Variants in PITPNC1 observed in about 807,000 individuals in gnomAD.
The protein encoded by PITPNC1 is phosphatidylinositol transfer protein cytoplasmic 1, also known as cytoplasmic phosphatidylinositol transfer protein 1.
PITPNC1 carries 18 observed loss-of-function variants against 44.7 expected under a neutral mutation model. The observed-to-expected ratio is 0.40, with a 90% CI of 0.28 to 0.60. PITPNC1 has a LOEUF of 0.60. Among genes scored for constraint, PITPNC1 ranks in the 20% least tolerant of loss-of-function variants. The pLI is 0.39. For missense variants in PITPNC1, 290 were observed against 418.4 expected, an observed-to-expected ratio of 0.69 and a Z score of 2.68; for synonymous variants, 141 against 149.6, an observed-to-expected ratio of 0.94 and a Z score of 0.42.
chr17:67,473,112 G>C (rs944082413), intron 1 of PITPNC1, among the ~76,000 whole-genome samples: 11 of 152,054 alleles, frequency 7.2e-5, no homozygotes, highest in African/African-American at 2.7e-4. Flanking sequence ...TCCTGACCTC[G>C]TGATCCACCC....
Position 67,378,815 on chromosome 17 carries a change from A to G in PITPNC1, c.48+613A>G, listed in dbSNP as rs2037911886. ...CTTTCGCAAACCGCCTGGCTCGGAA[A>G]CTTTCTGCGTCTCTTGTTTCTTCCG... On this transcript the variant is annotated intron_variant, in intron 1 of 8. Transcript: ENST00000581322. Among the ~76,000 whole-genome samples the G allele has an allele frequency of 2.0e-5, 3 of 152,058 alleles. 1 individual carries two copies. In the South Asian group the frequency reaches 6.2e-4, roughly 31 times the overall value.
At chr17:67,531,726 C>G (rs2040464207) in intron 1 of PITPNC1, among the ~76,000 whole-genome samples, 1 of 152,168 alleles carries the variant, frequency 6.6e-6, no homozygotes, top group African/African-American at 2.4e-5. Flanking sequence ...ACCCCGAGTC[C>G]TCATTAGTTT....
At chr17:67,447,171 C>T (rs572180359) in intron 1 of PITPNC1, among the ~76,000 whole-genome samples, 22 of 148,134 alleles carry the variant, frequency 1.5e-4, no homozygotes, top group African/African-American at 5.2e-4. Flanking sequence ...GCTAAGGAAT[C>T]GGAGAGTGGC....
chr17:67,480,123 G>T (rs1186200619), intron 1 of PITPNC1, among the ~76,000 whole-genome samples: 2 of 152,286 alleles, frequency 1.3e-5, no homozygotes, highest in African/African-American at 2.4e-5. Context: ...AGGAGCGGGG[G>T]TCTGCCTGAT....
rs77772356 is a variant in PITPNC1 at position 67,505,883 on chromosome 17, T to G, written c.49-26919T>G. Among the ~76,000 whole-genome samples the G allele has an allele frequency of 4.2e-3, 633 of 152,332 alleles. 25 individuals are homozygous for G. The East Asian group carries it at 0.084, about 20-fold the overall frequency. On this transcript the variant is annotated intron_variant, in intron 1 of 8. Transcript: ENST00000581322. Reference sequence around the variant, plus strand: ...TATGTAAAATTTTGGAGTAACTCTCTTTTCCCTCGCAATTCTTTTGATGGT... The same window carrying G: ...TATGTAAAATTTTGGAGTAACTCTCGTTTCCCTCGCAATTCTTTTGATGGT...
chr17:67,675,636 C>G, intron 8 of PITPNC1, 94 bp downstream of exon 8: 1 of 816,868 alleles, frequency 1.2e-6, no homozygotes, highest in Non-Finnish European at 2.2e-6. Flanking sequence ...AGAAGGACAA[C>G]AACAAAGGCA....
chr17:67,589,529 T>G (rs182481217), intron 5 of PITPNC1, among the ~76,000 whole-genome samples: 336 of 151,114 alleles, frequency 2.2e-3, no homozygotes, highest in African/African-American at 7.9e-3. Flanking sequence ...GAAACTGGAG[T>G]TTGGAGCTAG....
At chr17:67,649,106 A>G (rs535762745) in intron 6 of PITPNC1, among the ~76,000 whole-genome samples, 3 of 152,312 alleles carry the variant, frequency 2.0e-5, no homozygotes, top group African/African-American at 4.8e-5. Flanking sequence ...GTGAGCCATG[A>G]TTGCACCACT....
At chr17:67,481,187 G>T (rs893939818) in intron 1 of PITPNC1, among the ~76,000 whole-genome samples, 2 of 152,222 alleles carry the variant, frequency 1.3e-5, no homozygotes, top group African/African-American at 4.8e-5. Flanking sequence ...CAGCCTAGGC[G>T]ACAGAGCGAG....
At chr17:67,507,104 T>C (rs1209936201) in intron 1 of PITPNC1, among the ~76,000 whole-genome samples, 1 of 152,222 alleles carries the variant, frequency 6.6e-6, no homozygotes, top group African/African-American at 2.4e-5. Context: ...CGAGTCACTG[T>C]GACCTCTTAG....
chr17:67,545,677 A>C (rs1164911671), intron 2 of PITPNC1, among the ~76,000 whole-genome samples: 1 of 152,198 alleles, frequency 6.6e-6, no homozygotes, highest in African/African-American at 2.4e-5. Context: ...TGTTTGAAAG[A>C]TGGCTCCTTA....
At chr17:67,462,515 AGC>A (rs759919777) in intron 1 of PITPNC1, among the ~76,000 whole-genome samples, 23,860 of 151,610 alleles carry the variant, frequency 0.16, 1,918 homozygotes, top group East Asian at 0.27. Context: ...TACAGGCGTG[AGC>A]CACCGTGCCT....
At chr17:67,560,905 A>G (rs1284410074) in intron 4 of PITPNC1, among the ~76,000 whole-genome samples, 1 of 152,188 alleles carries the variant, frequency 6.6e-6, no homozygotes, top group Non-Finnish European at 1.5e-5. Flanking sequence ...CAGAGAATAC[A>G]GAGTTGTTTA....
chr17:67,474,764 C>G (rs1254294508), intron 1 of PITPNC1, among the ~76,000 whole-genome samples: 3 of 152,138 alleles, frequency 2.0e-5, no homozygotes, highest in African/African-American at 4.8e-5. Context: ...AAACAATCCT[C>G]CCACCTCAGC....
At chr17:67,563,883 A>G (rs1165474345) in intron 4 of PITPNC1, among the ~76,000 whole-genome samples, 1 of 152,092 alleles carries the variant, frequency 6.6e-6, no homozygotes, top group African/African-American at 2.4e-5. Context: ...GGAGAGAGAG[A>G]AATGGGTGGA....
chr17:67,529,603 T>C (rs903673889), intron 1 of PITPNC1, among the ~76,000 whole-genome samples: 1 of 152,028 alleles, frequency 6.6e-6, no homozygotes, highest in Non-Finnish European at 1.5e-5. Context: ...GTTGCATGAG[T>C]TGACTAGGGC....
chr17:67,573,079 C>T (rs764611429), intron 4 of PITPNC1, among the ~76,000 whole-genome samples: 2 of 152,132 alleles, frequency 1.3e-5, no homozygotes, highest in Non-Finnish European at 2.9e-5. Flanking sequence ...TTTTAAGCCA[C>T]GCAGTTTGTG....
chr17:67,452,957 A>T (rs2039204176), intron 1 of PITPNC1, among the ~76,000 whole-genome samples: 1 of 152,022 alleles, frequency 6.6e-6, no homozygotes, highest in African/African-American at 2.4e-5. Context: ...GATTCTAATG[A>T]GTGTGTGGTG....
chr17:67,526,117 T>G (rs2040388847), intron 1 of PITPNC1, among the ~76,000 whole-genome samples: 2 of 152,076 alleles, frequency 1.3e-5, no homozygotes. Flanking sequence ...TTGGAAATGG[T>G]ATTGGGACTA....
Sources: gnomAD v4.1 joint callset for allele counts (sites outside exome capture counted in the v4.1 genomes callset) on GRCh38, gnomAD v4.1.1 for gene constraint, MANE v1.5 for transcripts, NCBI Gene and HGNC (gene_info 2026-07-23, HGNC 2026-07-21) for gene names.